Variants in KCNN2 observed in about 807,000 individuals in gnomAD.
The protein encoded by KCNN2 is small conductance calcium-activated potassium channel protein 2.
KCNN2 carries 24 observed loss-of-function variants against 55.5 expected under a neutral mutation model. That is an observed-to-expected ratio of 0.43 (90% CI 0.31 to 0.61). KCNN2 has a LOEUF of 0.61. KCNN2 is among the 20% of genes least tolerant of loss of function. The pLI is 0.08. For missense variants in KCNN2, 754 were observed against 853.6 expected, an observed-to-expected ratio of 0.88 and a Z score of 1.45; for synonymous variants, 431 against 336.1, an observed-to-expected ratio of 1.28 and a Z score of -3.09.
chr5:114,237,645 A>G (rs1028110672), intron 2 of KCNN2, among the ~76,000 whole-genome samples: 5 of 152,166 alleles, frequency 3.3e-5, no homozygotes, highest in South Asian at 4.1e-4. Context: ...TTTGAAAAAC[A>G]CAATCTAAAG....
intron 7 of KCNN2, among the ~76,000 whole-genome samples, chr5:114,493,858 T>G (rs913919077): frequency 6.6e-6 from 1 of 152,128 alleles, no homozygotes; most frequent in Non-Finnish European, 1.5e-5. Context: ...TCAATTAAAT[T>G]TTGTCCTATG....
chr5:114,480,694 A>C (rs1191707953), intron 5 of KCNN2, among the ~76,000 whole-genome samples: 11 of 152,210 alleles, frequency 7.2e-5, no homozygotes, highest in African/African-American at 2.4e-4. Context: ...CATCCCTGGG[A>C]TGCAAGATTG....
rs146687804 is a variant in KCNN2 at position 114,289,795 on chromosome 5, A to C, written c.-185+68230A>C. Among the ~76,000 whole-genome samples the C allele has an allele frequency of 8.5e-5, 13 of 152,302 alleles. No homozygotes were observed. In the East Asian group the frequency reaches 2.5e-3, roughly 29 times the overall value. On this transcript the variant is annotated intron_variant, in intron 2 of 10. Coordinates refer to the KCNN2 transcript ENST00000512097. ...TAACAGAATTAATAGTAAATCATTA[A>C]CATGGGAAGTTTTCCATTTATTTAG...
chr5:114,446,252 A>T (rs2150098968), intron 3 of KCNN2, among the ~76,000 whole-genome samples: 1 of 152,344 alleles, frequency 6.6e-6, no homozygotes, highest in Middle Eastern at 3.4e-3. Context: ...ATATGTATAT[A>T]TAAAGTCTTG....
intron 3 of KCNN2, among the ~76,000 whole-genome samples, chr5:114,441,972 G>A (rs1291027423): frequency 6.6e-6 from 1 of 152,076 alleles, no homozygotes; most frequent in Non-Finnish European, 1.5e-5. Flanking sequence ...AAAAATAATT[G>A]GTGGACTCAG....
chr5:114,179,001 C>G, intron 1 of KCNN2, among the ~76,000 whole-genome samples: 1 of 152,170 alleles, frequency 6.6e-6, no homozygotes, highest in East Asian at 1.9e-4. Flanking sequence ...CATCTGTAGG[C>G]TTTTTGAGAT....
At chr5:114,058,740 G>A (rs1199498447) in intron 1 of KCNN2, among the ~76,000 whole-genome samples, 4 of 152,168 alleles carry the variant, frequency 2.6e-5, no homozygotes, top group African/African-American at 7.2e-5. Flanking sequence ...GGCTTTGCAG[G>A]TCAAGGTAAA....
At chr5:114,261,161 T>A (rs13185574) in intron 2 of KCNN2, among the ~76,000 whole-genome samples, 54,998 of 152,084 alleles carry the variant, frequency 0.36, 10,683 homozygotes, top group Middle Eastern at 0.54. Context: ...TCCAGAGATT[T>A]CTAGGAAAAT....
At chr5:114,284,014 A>C (rs1352655925) in intron 2 of KCNN2, among the ~76,000 whole-genome samples, 3 of 152,192 alleles carry the variant, frequency 2.0e-5, no homozygotes, top group South Asian at 4.1e-4. Context: ...GACATCCAGG[A>C]AGAGGGGATA....
At chr5:114,468,270 G>A (rs923982451) in intron 4 of KCNN2, among the ~76,000 whole-genome samples, 15 of 152,106 alleles carry the variant, frequency 9.9e-5, no homozygotes, top group Non-Finnish European at 1.8e-4. Flanking sequence ...TTTATAAAAT[G>A]TTACTTGCCA....
intron 2 of KCNN2, among the ~76,000 whole-genome samples, chr5:114,228,743 A>G (rs976024177): frequency 6.6e-6 from 1 of 152,084 alleles, no homozygotes; most frequent in Non-Finnish European, 1.5e-5. Context: ...AGAAGTTGAG[A>G]AAGTTCAGAA....
At chr5:114,093,629 T>C (rs952378016) in intron 1 of KCNN2, among the ~76,000 whole-genome samples, 2 of 152,160 alleles carry the variant, frequency 1.3e-5, no homozygotes, top group African/African-American at 4.8e-5. Context: ...GAAACTTACA[T>C]TCCTGGCGGA....
chr5:114,106,187 T>C lies in KCNN2; in HGVS notation c.-271+49687T>C, dbSNP rs145299128. On this transcript the variant is annotated intron_variant, in intron 1 of 10. Coordinates refer to the KCNN2 transcript ENST00000512097. ...TTGTTAATCTTTTTCAGCTATTTTT[T>C]TTTTTTACTTAATTCTCTTGCCAAA... Among the ~76,000 whole-genome samples, 549 of 152,062 alleles carry C rather than the reference T, an allele frequency of 3.6e-3. 2 individuals carry two copies. The highest frequency in any genetic ancestry group is 0.012 in the African/African-American group (504 of 41,562).
intron 1 of KCNN2, among the ~76,000 whole-genome samples, chr5:114,109,642 A>G (rs17136278): frequency 0.046 from 7,018 of 152,196 alleles, 539 homozygotes; most frequent in African/African-American, 0.16. Context: ...GGGAGAACTC[A>G]GGTTTTGTAG....
chr5:114,233,421 G>C (rs1239307339), intron 2 of KCNN2, among the ~76,000 whole-genome samples: 1 of 151,912 alleles, frequency 6.6e-6, no homozygotes, highest in African/African-American at 2.4e-5. Context: ...ATATATCTAA[G>C]GATGTATTTT....
intron 1 of KCNN2, among the ~76,000 whole-genome samples, chr5:114,141,124 G>A (rs1022289963): frequency 4.0e-5 from 6 of 151,878 alleles, no homozygotes; most frequent in African/African-American, 1.4e-4. Context: ...AACCAGTAAA[G>A]CTTTCTTTTT....
chr5:114,337,213 G>T (rs1273694072), intron 2 of KCNN2, among the ~76,000 whole-genome samples: 1 of 152,108 alleles, frequency 6.6e-6, no homozygotes, highest in Non-Finnish European at 1.5e-5. Flanking sequence ...TGGATATGAT[G>T]GGTGAGGAAA....
intron 3 of KCNN2, among the ~76,000 whole-genome samples, chr5:114,439,557 A>G (rs1760134412): frequency 6.6e-6 from 1 of 152,122 alleles, no homozygotes; most frequent in Non-Finnish European, 1.5e-5. Context: ...AGTGATTCTG[A>G]TTTCACTGGT....
At chr5:114,235,981 T>G (rs547538689) in intron 2 of KCNN2, among the ~76,000 whole-genome samples, 1 of 152,326 alleles carries the variant, frequency 6.6e-6, no homozygotes, top group Non-Finnish European at 1.5e-5. Flanking sequence ...CAGCGATCAG[T>G]GAGAAGCATT....
Sources: allele counts gnomAD v4.1 joint callset (sites outside exome capture counted in the v4.1 genomes callset), GRCh38; gene constraint gnomAD v4.1.1; transcripts MANE v1.5; gene names NCBI Gene and HGNC (gene_info 2026-07-23, HGNC 2026-07-21).